Variants in VPS13B observed in about 807,000 individuals in gnomAD.
VPS13B encodes intermembrane lipid transfer protein VPS13B.
VPS13B carries 285 observed loss-of-function variants against 426.4 expected under a neutral mutation model. The observed-to-expected ratio is 0.67, with a 90% confidence interval of 0.61 to 0.74. The LOEUF (loss-of-function observed/expected upper bound fraction) is 0.74. VPS13B is among the 30% of genes least tolerant of loss of function. VPS13B has a pLI of 0.00. For missense variants in VPS13B, 4,537 were observed against 4,782.6 expected, an observed-to-expected ratio of 0.95 and a Z score of 1.51; for synonymous variants, 1,676 against 1,676.4, an observed-to-expected ratio of 1.00 and a Z score of 0.01.
In VPS13B at chr8:99,875,896, C is replaced by G. The variant is rs538255929; in HGVS notation, c.*230C>G. ...AAAGCCTAGGCAGCTCTAACATCAT[C>G]TGATATGGACACAAGGCCAACAGTT... is the stretch of plus-strand genomic sequence containing the variant. On this transcript the variant is annotated 3_prime_UTR_variant, in exon 62 of 62. Transcript: ENST00000357162. 18 of 570,018 alleles carry G rather than the reference C, an allele frequency of 3.2e-5. No individual in the cohort carries two copies. Among genetic ancestry groups the G allele is most frequent in the Admixed American group, 2.1e-4 (7 of 32,762 alleles). 35.3% of individuals were successfully genotyped at this position (570,018 alleles called of 1,614,324 possible). A position where few individuals can be genotyped will look rare whatever the true frequency, so the allele number is the denominator to read the frequency against.
intron 5 of VPS13B, among the ~76,000 whole-genome samples, chr8:99,106,313 T>C (rs1847040515): frequency 6.6e-6 from 1 of 150,560 alleles, no homozygotes. Context: ...CAGGTGCCTG[T>C]AATCCTAGCT....
intron 23 of VPS13B, among the ~76,000 whole-genome samples, chr8:99,452,562 A>G (rs1818249549): frequency 6.6e-6 from 1 of 152,152 alleles, no homozygotes; most frequent in Non-Finnish European, 1.5e-5. Context: ...TGGTTACTCT[A>G]AGGGAGGAAG....
chr8:99,793,260 T>TATATAC (rs1812649512), intron 43 of VPS13B, among the ~76,000 whole-genome samples: 1 of 141,324 alleles, frequency 7.1e-6, no homozygotes, highest in Non-Finnish European at 1.5e-5. Context: ...TCTCCATATA[T>TATATAC]ATATATATAT....
In VPS13B at chr8:99,577,582, GT is replaced by G. The variant is rs1434257397; in HGVS notation, c.5171del (p.Leu1724Ter). ...TGGCTCAAGTTCAACTCTTACATCA[GT>G]TAATAGTAGCAAATATGACTGGACT... ...SVAQVQLLHQ[L>X]IVANMTGLEP... On this transcript the variant is annotated frameshift_variant, in exon 33 of 62. Coordinates refer to ENST00000357162, the MANE Select transcript of VPS13B (RefSeq NM_152564.5). LOFTEE classifies it high-confidence loss of function. 6.2e-7 allele frequency: 1 copy of G among 1,613,718 alleles called. No individual in the cohort carries two copies. Among genetic ancestry groups the G allele is most frequent in the African/African-American group, 1.3e-5 (1 of 74,910 alleles).
At chr8:99,864,278 A>G (rs10108390) in intron 58 of VPS13B, among the ~76,000 whole-genome samples, 2,677 of 152,352 alleles carry the variant, frequency 0.018, 49 homozygotes, top group African/African-American at 0.045. Context: ...GGCCGGGTAC[A>G]TGGCTCACAC....
chr8:99,415,841 G>T (rs1413081785), intron 21 of VPS13B, among the ~76,000 whole-genome samples: 1 of 152,186 alleles, frequency 6.6e-6, no homozygotes, highest in Admixed American at 6.5e-5. Flanking sequence ...CCTGTATGTG[G>T]TGTCTGTCGA....
chr8:99,098,555 A>G lies in VPS13B; in HGVS notation c.412+2123A>G, dbSNP rs984173594. On this transcript the variant is annotated intron_variant, in intron 4 of 61. Coordinates refer to ENST00000357162, the MANE Select transcript of VPS13B (RefSeq NM_152564.5). ...GATATTTAGGTTATTTGTTATTTTT[A>G]GTTTTGTAAAATGCTTTAGCAAACA... Among the ~76,000 whole-genome samples, 4 of 152,078 alleles carry G rather than the reference A, an allele frequency of 2.6e-5. No homozygotes were observed. In the South Asian group the frequency reaches 6.2e-4, roughly 24 times the overall value.
intron 20 of VPS13B, among the ~76,000 whole-genome samples, chr8:99,391,157 G>T (rs1307575183): frequency 6.6e-6 from 1 of 151,086 alleles, no homozygotes; most frequent in African/African-American, 2.4e-5. Flanking sequence ...ACTTTATAAG[G>T]ATACTTTTCC....
chr8:99,278,534 G>A (rs186874765), intron 19 of VPS13B, among the ~76,000 whole-genome samples: 22 of 152,332 alleles, frequency 1.4e-4, no homozygotes, highest in African/African-American at 4.6e-4. Context: ...GGAAATAGAT[G>A]CCTAGAAGTT....
intron 19 of VPS13B, among the ~76,000 whole-genome samples, chr8:99,317,556 T>C (rs1374707407): frequency 1.3e-5 from 2 of 152,190 alleles, no homozygotes; most frequent in Non-Finnish European, 2.9e-5. Context: ...TTCATTTTAT[T>C]TTTTAATAAA....
At chr8:99,524,931 G>T (rs760039814) in intron 30 of VPS13B, among the ~76,000 whole-genome samples, 1 of 152,144 alleles carries the variant, frequency 6.6e-6, no homozygotes, top group Non-Finnish European at 1.5e-5. Context: ...AATTGTATAC[G>T]CAGTGAGAAT....
Position 99,166,394 on chromosome 8 carries a change from T to TA in VPS13B, c.2209-3644dup, listed in dbSNP as rs1563578586. On this transcript the variant is annotated intron_variant, in intron 15 of 61. Coordinates refer to ENST00000357162, the MANE Select transcript of VPS13B (RefSeq NM_152564.5). ...TCCCACCATGTTGATTATAAATGTTTATGTGTAAAAATTATTCTTTGCTTG... is the reference window on the plus strand; with the variant it reads ...TCCCACCATGTTGATTATAAATGTTTAATGTGTAAAAATTATTCTTTGCTTG... Among the ~76,000 whole-genome samples the TA allele has an allele frequency of 3.3e-5, 5 of 152,222 alleles. No homozygotes were observed. In the South Asian group the frequency reaches 1.0e-3, roughly 32 times the overall value.
chr8:99,765,356 CTT>C (rs79029618), intron 39 of VPS13B, among the ~76,000 whole-genome samples: 19,567 of 152,180 alleles, frequency 0.13, 1,815 homozygotes, highest in East Asian at 0.4. Flanking sequence ...ATTTGAATCT[CTT>C]TGAGTATTGG....
intron 33 of VPS13B, among the ~76,000 whole-genome samples, chr8:99,592,412 A>T (rs61097926): frequency 0.21 from 31,656 of 151,764 alleles, 3,977 homozygotes; most frequent in East Asian, 0.45. Context: ...GTTTTTAGAA[A>T]TTTCAGCTTT....
chr8:99,288,896 A>C lies in VPS13B; in HGVS notation c.2824+13642A>C, dbSNP rs375515073. Among the ~76,000 whole-genome samples, 8 of 152,038 alleles carry C rather than the reference A, an allele frequency of 5.3e-5. 1 individual carries two copies. The highest frequency in any genetic ancestry group is 3.3e-4 in the Admixed American group (5 of 15,214). On this transcript the variant is annotated intron_variant, in intron 19 of 61. Coordinates refer to ENST00000357162, the MANE Select transcript of VPS13B (RefSeq NM_152564.5). ...CATAGGAACAAAGATATTGATTGTC[A>C]TAGTTAAACTCCAAGTTCAGCTGGG...
At chr8:99,337,257 A>G (rs753457442) in intron 19 of VPS13B, among the ~76,000 whole-genome samples, 25 of 151,766 alleles carry the variant, frequency 1.6e-4, no homozygotes, top group Non-Finnish European at 3.2e-4. Context: ...GTGAAGTATC[A>G]CAAGAACAAA....
chr8:99,187,519 A>G lies in VPS13B; in HGVS notation c.2334-5357A>G, dbSNP rs550767646. Among the ~76,000 whole-genome samples, 28 of 152,302 alleles carry G rather than the reference A, an allele frequency of 1.8e-4. 1 individual carries two copies. The highest frequency in any genetic ancestry group is 2.9e-4 in the African/African-American group (12 of 41,566). On this transcript the variant is annotated intron_variant, in intron 16 of 61. Transcript: ENST00000357162. The stretch of plus-strand genomic sequence containing the variant: ...TTTATTTTCTGGTCCATTCATTCCA[A>G]TCCTTTGGCTTTTATAGCCAAATAT...
Position 99,677,411 on chromosome 8 carries a change from TATC to T in VPS13B, c.6046+15923_6046+15925del, listed in dbSNP as rs546690906. 3.1e-3 allele frequency among the ~76,000 whole-genome samples: 471 copies of T among 152,342 alleles called. 3 individuals are homozygous for T. The highest frequency in any genetic ancestry group is 0.01 in the African/African-American group (426 of 41,584). The stretch of plus-strand genomic sequence containing the variant: ...CCAATTTCCAGTGTCAGTGCTATAT[TATC>T]ATAGTTTGTTTTCTCTGTGATTTAT... On this transcript the variant is annotated intron_variant, in intron 35 of 61. Transcript: ENST00000357162.
chr8:99,207,291 A>C (rs1353417689), intron 17 of VPS13B, among the ~76,000 whole-genome samples: 1 of 152,156 alleles, frequency 6.6e-6, no homozygotes, highest in Non-Finnish European at 1.5e-5. Flanking sequence ...AGTAGGATAT[A>C]AATAACTCCC....
Sources: allele counts gnomAD v4.1 joint callset (sites outside exome capture counted in the v4.1 genomes callset), GRCh38; gene constraint gnomAD v4.1.1; transcripts MANE v1.5; gene names NCBI Gene and HGNC (gene_info 2026-07-23, HGNC 2026-07-21).